STAG2: variants seen among roughly 807,000 people sequenced by gnomAD.
STAG2 encodes the protein cohesin subunit SA-2.
STAG2 carries 14 observed loss-of-function variants against 108.1 expected under a neutral mutation model. The observed-to-expected ratio is 0.13, with a 90% CI of 0.09 to 0.20. STAG2 has a LOEUF of 0.20. STAG2 is among the 10% of genes least tolerant of loss of function. STAG2 has a pLI of 1.00. For synonymous variants in STAG2, 307 were observed against 302.7 expected (o/e 1.01, Z -0.15); for missense variants, 440 against 940.9 (o/e 0.47, Z 6.96).
chrX:124,047,580 A>T (rs749979178), intron 9 of STAG2, 75 bp downstream of exon 9: 41 of 849,515 alleles, frequency 4.8e-5, no homozygotes, highest in Non-Finnish European at 6.2e-5. Context: ...TAACTTTGCT[A>T]GTGGCTCAGA....
chrX:124,017,612 T>C (rs1371143690), intron 1 of STAG2, among the ~76,000 whole-genome samples: 1 of 111,749 alleles, frequency 8.9e-6, no homozygotes, highest in Non-Finnish European at 1.9e-5. Flanking sequence ...TTTATTTTGT[T>C]GGGGGGTACT....
At chrX:124,071,506 G>C (rs1278740868) in intron 25 of STAG2, among the ~76,000 whole-genome samples, 183 bp downstream of exon 25, 1 of 111,545 alleles carries the variant, frequency 9.0e-6, no homozygotes, top group Non-Finnish European at 1.9e-5. Context: ...TGATGTTGCA[G>C]AGTATAGGCT....
chrX:124,045,473 A>G (rs951891396), intron 8 of STAG2, 105 bp downstream of exon 8: 1 of 732,814 alleles, frequency 1.4e-6, no homozygotes, highest in African/African-American at 2.2e-5. Context: ...AATTTTATTT[A>G]TAAAGTGACC....
chrX:124,082,718 TCTC>T (rs1170331697), intron 28 of STAG2, among the ~76,000 whole-genome samples: 1 of 111,565 alleles, frequency 9.0e-6, no homozygotes, highest in Non-Finnish European at 1.9e-5. Context: ...TAATTAACTC[TCTC>T]CTTTCACTTT....
At chrX:124,018,433 T>G (rs750137846) in intron 1 of STAG2, among the ~76,000 whole-genome samples, 204 of 106,142 alleles carry the variant, frequency 1.9e-3, no homozygotes, top group Admixed American at 5.1e-3. Flanking sequence ...TGTAAGTCTG[T>G]GGGGGAAACA....
At chrX:124,060,637 T>C (rs891636410) in intron 15 of STAG2, among the ~76,000 whole-genome samples, 9 of 111,130 alleles carry the variant, frequency 8.1e-5, no homozygotes, top group Admixed American at 6.7e-4. Flanking sequence ...TAAAATACTT[T>C]TCAGGACGGG....
intron 25 of STAG2, among the ~76,000 whole-genome samples, chrX:124,075,812 A>C (rs1443742699): frequency 8.9e-6 from 1 of 112,067 alleles, no homozygotes; most frequent in African/African-American, 3.2e-5. Context: ...TCAAGATTTC[A>C]CATAATGGAT....
intron 1 of STAG2, among the ~76,000 whole-genome samples, chrX:123,991,514 G>A (rs1312452298): frequency 1.9e-5 from 2 of 107,572 alleles, no homozygotes; most frequent in African/African-American, 6.8e-5. Context: ...CACCATGCCT[G>A]GCTAATTTTT....
At chrX:123,979,482 T>G (rs1005126332) in intron 1 of STAG2, among the ~76,000 whole-genome samples, 4 of 111,698 alleles carry the variant, frequency 3.6e-5, no homozygotes, top group African/African-American at 1.3e-4. Context: ...CTGGACTTAT[T>G]TGCAAGCTGA....
intron 1 of STAG2, among the ~76,000 whole-genome samples, chrX:124,011,513 G>C (rs2056522496): frequency 9.0e-6 from 1 of 111,592 alleles, no homozygotes. Flanking sequence ...TATTAGCTAT[G>C]AGTTTTTGAC....
intron 1 of STAG2, among the ~76,000 whole-genome samples, chrX:124,005,349 G>A (rs1397836392): frequency 1.8e-5 from 2 of 111,219 alleles, no homozygotes; most frequent in Admixed American, 1.9e-4. Flanking sequence ...TTTATCATGT[G>A]TGGATAGGTG....
chrX:124,031,254 T>A, intron 5 of STAG2, 129 bp downstream of exon 5: 1 of 666,250 alleles, frequency 1.5e-6, no homozygotes, highest in African/African-American at 2.3e-5. Context: ...AGCAACAAAA[T>A]CATCAGAAAA....
intron 3 of STAG2, among the ~76,000 whole-genome samples, chrX:124,023,455 AT>A (rs1225015942): frequency 2.7e-5 from 3 of 111,699 alleles, no homozygotes; most frequent in Admixed American, 1.9e-4. Flanking sequence ...AGATTTTCAT[AT>A]TTTTAATAAT....
chrX:124,033,978 T>C (rs964059028), intron 5 of STAG2, among the ~76,000 whole-genome samples: 1 of 111,131 alleles, frequency 9.0e-6, no homozygotes, highest in African/African-American at 3.3e-5. Context: ...TGTGATCTTA[T>C]TGCCATCTAT....
chrX:124,056,047 GTATGAGCA>G, intron 13 of STAG2, 73 bp from the exon 14 acceptor site: 9 of 521,175 alleles, frequency 1.7e-5, no homozygotes, highest in Non-Finnish European at 2.6e-5. Context: ...CTTTTTAAAA[GTATGAGCA>G]TAAGTTTTTG....
At chrX:124,031,429 G>A (rs113878466) in intron 5 of STAG2, among the ~76,000 whole-genome samples, 2 of 103,495 alleles carry the variant, frequency 1.9e-5, no homozygotes, top group African/African-American at 7.0e-5. Flanking sequence ...GCATAGTCTC[G>A]GCTCACCACA....
chrX:124,051,736 G>A (rs996879183), intron 13 of STAG2, among the ~76,000 whole-genome samples: 2 of 110,234 alleles, frequency 1.8e-5, no homozygotes, highest in Admixed American at 9.6e-5. Flanking sequence ...GACTACAGGC[G>A]CCCGCCACGA....
At chrX:124,009,476 T>TAGATA (rs759783135) in intron 1 of STAG2, among the ~76,000 whole-genome samples, 2 of 110,233 alleles carry the variant, frequency 1.8e-5, no homozygotes, top group Admixed American at 9.8e-5. Context: ...GATAGATAGA[T>TAGATA]ATCTCTTCTT....
At chrX:124,061,426 T>C (rs1464385362) in intron 16 of STAG2, 85 bp downstream of exon 16, 26 of 676,325 alleles carry the variant, frequency 3.8e-5, no homozygotes, top group South Asian at 6.0e-5. Context: ...CCTTTTAGTT[T>C]TAAGACAATT....
Sources: allele counts gnomAD v4.1 joint callset (sites outside exome capture counted in the v4.1 genomes callset), GRCh38; gene constraint gnomAD v4.1.1; transcripts MANE v1.5; gene names NCBI Gene and HGNC (gene_info 2026-07-23, HGNC 2026-07-21).